Variants in WWOX observed in about 807,000 individuals in gnomAD.
WWOX encodes the protein WW domain containing oxidoreductase.
In WWOX, 69 loss-of-function variants were observed where a neutral mutation model predicts 46.2. The observed-to-expected ratio is 1.49, with a 90% CI of 1.23 to 1.82. WWOX has a LOEUF of 1.82. WWOX is among the 40% of genes most tolerant of loss of function. WWOX has a pLI of 0.00. For missense variants in WWOX, 919 were observed against 542.6 expected, an observed-to-expected ratio of 1.69 and a Z score of -6.89; for synonymous variants, 359 against 202.6, an observed-to-expected ratio of 1.77 and a Z score of -6.56.
chr16:78,220,747 G>C (rs2036860604), intron 5 of WWOX, among the ~76,000 whole-genome samples: 1 of 152,172 alleles, frequency 6.6e-6, no homozygotes, highest in South Asian at 2.1e-4. Context: ...GAAAGGACCA[G>C]AATGGCAGTT....
At chr16:78,648,687 C>G (rs934920470) in intron 8 of WWOX, among the ~76,000 whole-genome samples, 1 of 152,168 alleles carries the variant, frequency 6.6e-6, no homozygotes, top group Non-Finnish European at 1.5e-5. Context: ...CCTCCGGCTT[C>G]CCCATGTCCA....
intron 8 of WWOX, among the ~76,000 whole-genome samples, chr16:78,798,164 A>G (rs922922782): frequency 5.3e-5 from 8 of 152,204 alleles, no homozygotes; most frequent in African/African-American, 1.9e-4. Context: ...AGAGGTCATG[A>G]TACCAAAGCC....
In WWOX at chr16:78,311,627, G is replaced by T. The variant is rs1344964077; in HGVS notation, c.517-75233G>T. ...CAGATGAGTGGGCCTAAAGAATCCA[G>T]ACTCAACTTACTTCTAGTGGTAATG... is the stretch of plus-strand genomic sequence containing the variant. On this transcript the variant is annotated intron_variant, in intron 5 of 8. Coordinates refer to ENST00000566780, the MANE Select transcript of WWOX (RefSeq NM_016373.4). Among the ~76,000 whole-genome samples the T allele has an allele frequency of 3.3e-4, 50 of 152,322 alleles. 1 individual carries two copies. Among genetic ancestry groups the T allele is most frequent in the Non-Finnish European group, 1.5e-5 (1 of 68,036 alleles).
intron 6 of WWOX, among the ~76,000 whole-genome samples, chr16:78,410,638 C>T (rs1030781889): frequency 2.0e-5 from 3 of 151,514 alleles, no homozygotes; most frequent in African/African-American, 4.9e-5. Flanking sequence ...GGTGAAACGC[C>T]ATACTAAAAG....
chr16:78,636,085 T>C (rs1597378044), intron 8 of WWOX, among the ~76,000 whole-genome samples: 1 of 152,182 alleles, frequency 6.6e-6, no homozygotes, highest in Non-Finnish European at 1.5e-5. Context: ...ATCTGCACTC[T>C]AGTAGTGATT....
intron 6 of WWOX, among the ~76,000 whole-genome samples, chr16:78,390,612 TG>T (rs917161231): frequency 6.6e-6 from 1 of 152,178 alleles, no homozygotes; most frequent in African/African-American, 2.4e-5. Context: ...ACTTTTGAAA[TG>T]CTGCCAAAGT....
Position 78,817,172 on chromosome 16 carries a change from C to CTTATTTT in WWOX, c.1056+384422_1056+384423insATTTTTT, listed in dbSNP as rs2051353984. ...GTTTTTCTTAAACATTAGTGCTATT[C>CTTATTTT]TTTTTTTTTTTTTTTTTTTTTTTTT... On this transcript the variant is annotated intron_variant, in intron 8 of 8. Coordinates refer to ENST00000566780, the MANE Select transcript of WWOX (RefSeq NM_016373.4). Among the ~76,000 whole-genome samples, 4 of 51,582 alleles carry CTTATTTT rather than the reference C, an allele frequency of 7.8e-5. No individual in the cohort carries two copies. In the Admixed American group the frequency reaches 9.4e-4, roughly 12 times the overall value. 33.8% of individuals were successfully genotyped at this position (51,582 alleles called of 152,430 possible).
At chr16:78,985,784 A>G (rs976601819) in intron 8 of WWOX, among the ~76,000 whole-genome samples, 4 of 151,330 alleles carry the variant, frequency 2.6e-5, no homozygotes, top group East Asian at 1.9e-4. Context: ...GAAAAAAAGA[A>G]TAGGCACAGA....
chr16:78,963,728 G>GT (rs1232269517), intron 8 of WWOX, among the ~76,000 whole-genome samples: 2 of 152,256 alleles, frequency 1.3e-5, no homozygotes, highest in African/African-American at 2.4e-5. Context: ...GACACATATT[G>GT]TTTTTTCCAT....
intron 8 of WWOX, among the ~76,000 whole-genome samples, chr16:78,606,180 T>C (rs1451095698): frequency 6.6e-6 from 1 of 152,218 alleles, no homozygotes; most frequent in Non-Finnish European, 1.5e-5. Flanking sequence ...TGGGCTATTA[T>C]TAAAACTTAA....
intron 8 of WWOX, among the ~76,000 whole-genome samples, chr16:78,729,986 C>T (rs750548529): frequency 9.2e-5 from 14 of 152,222 alleles, no homozygotes; most frequent in South Asian, 2.1e-4. Context: ...TCGAAGCTGC[C>T]ACCTTGCAAC....
intron 8 of WWOX, chr16:79,202,967 G>A (rs924804537): frequency 1.3e-5 from 2 of 152,180 alleles, no homozygotes; most frequent in African/African-American, 2.4e-5. Flanking sequence ...TCTATGCTAA[G>A]GTGTTGCATA....
intron 8 of WWOX, among the ~76,000 whole-genome samples, chr16:78,848,758 A>G (rs2052363925): frequency 6.6e-6 from 1 of 151,944 alleles, no homozygotes; most frequent in African/African-American, 2.4e-5. Flanking sequence ...TCAATGCCAT[A>G]CATGAGATTC....
Position 78,367,270 on chromosome 16 carries a change from C to T in WWOX, c.517-19590C>T, listed in dbSNP as rs376790717. Among the ~76,000 whole-genome samples, 6 of 152,174 alleles carry T rather than the reference C, an allele frequency of 3.9e-5. No individual in the cohort carries two copies. In the South Asian group the frequency reaches 8.3e-4, roughly 21 times the overall value. ...CTGGGATTACAGGCGTGAGCCACCGCACCCAGCCGAAAAGTTATAATTTTA... is the reference window on the plus strand; with the variant it reads ...CTGGGATTACAGGCGTGAGCCACCGTACCCAGCCGAAAAGTTATAATTTTA... On this transcript the variant is annotated intron_variant, in intron 5 of 8. Coordinates refer to ENST00000566780, the MANE Select transcript of WWOX (RefSeq NM_016373.4).
intron 8 of WWOX, among the ~76,000 whole-genome samples, chr16:79,071,145 G>A (rs1045341260): frequency 6.6e-6 from 1 of 152,168 alleles, no homozygotes; most frequent in African/African-American, 2.4e-5. Context: ...CAGGCTAGCA[G>A]TTTTTAATCA....
chr16:78,672,886 G>C (rs2047500785), intron 8 of WWOX, among the ~76,000 whole-genome samples: 1 of 152,180 alleles, frequency 6.6e-6, no homozygotes, highest in Admixed American at 6.5e-5. Context: ...AAAAAGTAAA[G>C]CAATACATCC....
At chr16:78,135,494 G>A (rs1306112887) in intron 4 of WWOX, among the ~76,000 whole-genome samples, 2 of 152,098 alleles carry the variant, frequency 1.3e-5, no homozygotes, top group Non-Finnish European at 2.9e-5. Flanking sequence ...TGTTAATGTT[G>A]TTTAGATATT....
chr16:78,499,013 G>C (rs990740438), intron 8 of WWOX, among the ~76,000 whole-genome samples: 1 of 152,202 alleles, frequency 6.6e-6, no homozygotes, highest in African/African-American at 2.4e-5. Flanking sequence ...TGAAGTACAC[G>C]AGGTTTCTTA....
At chr16:79,179,925 T>C (rs1484794220) in intron 8 of WWOX, among the ~76,000 whole-genome samples, 1 of 152,198 alleles carries the variant, frequency 6.6e-6, no homozygotes, top group East Asian at 1.9e-4. Context: ...AAGTGACTTG[T>C]CCAAGGACAC....
Sources: gnomAD v4.1 joint callset for allele counts (sites outside exome capture counted in the v4.1 genomes callset) on GRCh38, gnomAD v4.1.1 for gene constraint, MANE v1.5 for transcripts, NCBI Gene and HGNC (gene_info 2026-07-23, HGNC 2026-07-21) for gene names.